The following FOXP1 variants were observed in gnomAD, a reference collection of about 807,000 sequenced individuals.
FOXP1 encodes forkhead box protein P1.
Under a neutral mutation model 98.2 loss-of-function variants are expected in FOXP1, and 15 were observed. The observed-to-expected ratio is 0.15, with a 90% confidence interval of 0.10 to 0.24. FOXP1 has a LOEUF of 0.24. Among genes scored for constraint, FOXP1 ranks in the 10% least tolerant of loss-of-function variants. The pLI is 1.00. For missense variants in FOXP1, 633 were observed against 848.5 expected (o/e 0.75, Z 3.15); for synonymous variants, 371 against 314.5 (o/e 1.18, Z -1.90).
chr3:71,405,275 G>T (rs920035789), intron 3 of FOXP1, among the ~76,000 whole-genome samples: 7 of 152,194 alleles, frequency 4.6e-5, no homozygotes, highest in Admixed American at 1.3e-4. Flanking sequence ...AGTAACAGCA[G>T]CTACCTCAGA....
chr3:71,571,367 T>C (rs917210951), intron 2 of FOXP1: 12 of 152,224 alleles, frequency 7.9e-5, no homozygotes, highest in African/African-American at 2.9e-4. Flanking sequence ...GACTAGTCAT[T>C]TAAAAAGAGC....
chr3:70,987,858 C>T (rs554207781), intron 14 of FOXP1, 136 bp downstream of exon 14: 21 of 744,136 alleles, frequency 2.8e-5, no homozygotes, highest in Middle Eastern at 3.9e-4. Flanking sequence ...CAGAAACAGT[C>T]GCATGAATCT....
chr3:71,343,708 T>C (rs2077152720), intron 4 of FOXP1, among the ~76,000 whole-genome samples: 1 of 152,084 alleles, frequency 6.6e-6, no homozygotes, highest in Admixed American at 6.5e-5. Flanking sequence ...ACCTGACTAA[T>C]TTTTGTAGAG....
intron 12 of FOXP1, among the ~76,000 whole-genome samples, chr3:71,009,169 C>T (rs1279392592): frequency 3.1e-5 from 2 of 64,442 alleles, no homozygotes; most frequent in African/African-American, 5.8e-5. Context: ...GGGGGGGGGG[C>T]GCATGACACA....
At chr3:71,249,326 T>C (rs1384026904) in intron 5 of FOXP1, among the ~76,000 whole-genome samples, 1 of 152,234 alleles carries the variant, frequency 6.6e-6, no homozygotes, top group Admixed American at 6.5e-5. Flanking sequence ...TTCTTGGGAC[T>C]AGTAACCATA....
At chr3:71,380,445 A>T (rs759729055) in intron 3 of FOXP1, among the ~76,000 whole-genome samples, 1 of 152,232 alleles carries the variant, frequency 6.6e-6, no homozygotes, top group Non-Finnish European at 1.5e-5. Context: ...AGCCTAGGCC[A>T]AAGGCTTCCC....
At chr3:71,470,358 G>A (rs1030295504) in intron 3 of FOXP1, among the ~76,000 whole-genome samples, 2 of 152,232 alleles carry the variant, frequency 1.3e-5, no homozygotes, top group African/African-American at 4.8e-5. Flanking sequence ...ACACAGCTAA[G>A]AGAATGTGTG....
At chr3:71,289,255 G>C (rs2072499725) in intron 5 of FOXP1, among the ~76,000 whole-genome samples, 1 of 151,894 alleles carries the variant, frequency 6.6e-6, no homozygotes, top group Admixed American at 6.6e-5. Context: ...TGGCCAGGCT[G>C]ATCTTGAACT....
chr3:71,571,501 C>G (rs1000882096), intron 2 of FOXP1: 7 of 152,056 alleles, frequency 4.6e-5, no homozygotes, highest in Admixed American at 4.6e-4. Context: ...ATCTGATATT[C>G]TTAATAAAAT....
chr3:71,109,602 G>C (rs934910266), intron 7 of FOXP1, among the ~76,000 whole-genome samples: 1 of 152,164 alleles, frequency 6.6e-6, no homozygotes, highest in Non-Finnish European at 1.5e-5. Flanking sequence ...TTTCATTTCA[G>C]AGCCACTCCG....
intron 3 of FOXP1, among the ~76,000 whole-genome samples, chr3:71,382,422 C>A (rs1349259656): frequency 6.6e-6 from 1 of 152,118 alleles, no homozygotes; most frequent in Non-Finnish European, 1.5e-5. Context: ...TTGATTGCAC[C>A]CCAGCTCCAG....
Position 71,321,762 on chromosome 3 carries a change from C to A in FOXP1, c.-72-21882G>T, listed in dbSNP as rs183643638. On this transcript the variant is annotated intron_variant, in intron 4 of 20. Transcript: ENST00000649528. ...TCAGCCTCCCAAGTAGCTGGGACTACAAGTGTGCACCACCACACCTGGCTA... is the reference window on the plus strand; with the variant it reads ...TCAGCCTCCCAAGTAGCTGGGACTAAAAGTGTGCACCACCACACCTGGCTA... Among the ~76,000 whole-genome samples, 12 of 152,190 alleles carry A rather than the reference C, an allele frequency of 7.9e-5. No individual in the cohort carries two copies. In the East Asian group the frequency reaches 1.9e-3, roughly 25 times the overall value.
At chr3:71,286,036 T>C (rs13327628) in intron 5 of FOXP1, among the ~76,000 whole-genome samples, 2,574 of 152,346 alleles carry the variant, frequency 0.017, 78 homozygotes, top group African/African-American at 0.058. Flanking sequence ...CCAGATAGTA[T>C]GTATATTTTT....
chr3:71,172,526 T>G (rs1284006334), intron 6 of FOXP1, among the ~76,000 whole-genome samples: 1 of 152,170 alleles, frequency 6.6e-6, no homozygotes, highest in Non-Finnish European at 1.5e-5. Context: ...CCTCTAATAC[T>G]CCTCTGAGGT....
At chr3:71,474,008 A>G (rs1463153292) in intron 3 of FOXP1, among the ~76,000 whole-genome samples, 10 of 152,210 alleles carry the variant, frequency 6.6e-5, no homozygotes, top group Admixed American at 5.9e-4. Context: ...GATCTATTAC[A>G]CCGTTCATAA....
At chr3:71,273,088 T>C (rs1398518134) in intron 5 of FOXP1, among the ~76,000 whole-genome samples, 1 of 152,172 alleles carries the variant, frequency 6.6e-6, no homozygotes, top group African/African-American at 2.4e-5. Context: ...TCCCCTCTCT[T>C]GTACAACGAG....
intron 2 of FOXP1, among the ~76,000 whole-genome samples, chr3:71,505,310 G>A (rs2041726251): frequency 6.6e-6 from 1 of 151,904 alleles, no homozygotes; most frequent in African/African-American, 2.4e-5. Context: ...GTGCAGCTTG[G>A]AAATGAGACA....
intron 3 of FOXP1, among the ~76,000 whole-genome samples, chr3:71,365,766 C>T (rs146279468): frequency 7.9e-5 from 12 of 152,266 alleles, no homozygotes; most frequent in South Asian, 4.1e-4. Context: ...CGGCAGATCA[C>T]GAGGTCAAGA....
intron 7 of FOXP1, among the ~76,000 whole-genome samples, chr3:71,086,925 A>G (rs993014787): frequency 6.6e-6 from 1 of 152,156 alleles, no homozygotes; most frequent in East Asian, 1.9e-4. Flanking sequence ...TACAGAGAAA[A>G]TAATGACTTT....
Sources: gnomAD v4.1 joint callset for allele counts (sites outside exome capture counted in the v4.1 genomes callset) on GRCh38, gnomAD v4.1.1 for gene constraint, MANE v1.5 for transcripts, NCBI Gene and HGNC (gene_info 2026-07-23, HGNC 2026-07-21) for gene names.